Variants in RBMXL3 observed in about 807,000 individuals in gnomAD.
The protein encoded by RBMXL3 is RNA-binding motif protein, X-linked-like-3.
RBMXL3 carries 2 observed loss-of-function variants against 0.8 expected under a neutral mutation model. That is an observed-to-expected ratio of 2.54 (90% CI 1.04 to 8.00). The LOEUF (loss-of-function observed/expected upper bound fraction) is 8.00. Among genes scored for constraint, RBMXL3 ranks in the 30% most tolerant of loss-of-function variants. The pLI, the probability that RBMXL3 is intolerant of heterozygous loss-of-function variation, is 0.04. For missense variants in RBMXL3, 1,127 were observed against 1,068.0 expected, an observed-to-expected ratio of 1.06 and a Z score of -0.77; for synonymous variants, 447 against 449.8, an observed-to-expected ratio of 0.99 and a Z score of 0.08.
At position 115,192,635 on chromosome X, in the gene RBMXL3, G is replaced by A. The variant is rs782660012; in HGVS notation, c.3194G>A (p.Ser1065Asn). The change falls in exon 1 of 1, where the codon AGC becomes AAC. Residue 1065 changes from serine (S) to asparagine (N), a missense_variant. Ser to Asn is a conservative substitution (Grantham distance 46). Coordinates refer to ENST00000424776, the MANE Select transcript of RBMXL3 (RefSeq NM_001145346.2). ...GGRFERGEGR[S>N]RY Reference sequence around the variant, plus strand: ...CGCTTCGAGAGGGGGGAAGGCCGGAGCAGATACTAAGCAGGAACAGACTTG... The same window carrying A: ...CGCTTCGAGAGGGGGGAAGGCCGGAACAGATACTAAGCAGGAACAGACTTG... 7.7e-5 allele frequency: 90 copies of A among 1,168,084 alleles called. No individual in the cohort carries two copies. Among genetic ancestry groups the A allele is most frequent in the Middle Eastern group, 2.4e-4 (1 of 4,127 alleles).
Position 115,191,667 on chromosome X carries a change from A to C in RBMXL3, c.2226A>C (p.Gly742=). The change falls in exon 1 of 1, where the codon GGA becomes GGC. Residue 742 remains glycine, a synonymous_variant. Coordinates refer to ENST00000424776, the MANE Select transcript of RBMXL3 (RefSeq NM_001145346.2). The part of the protein sequence containing the change: ...HDSSSQSDHY[G]GGGRSLDANS... The stretch of plus-strand genomic sequence containing the variant: ...GTTCCAGCCAGAGCGACCACTATGG[A>C]GGAGGAGGTCGCTCACTCGATGCCA... 8.6e-6 allele frequency: 10 copies of C among 1,156,926 alleles called. No individual in the cohort carries two copies. Among genetic ancestry groups the C allele is most frequent in the Non-Finnish European group, 1.0e-5 (9 of 868,646 alleles).
Position 115,189,729 on chromosome X carries a change from G to A in RBMXL3, c.288G>A (p.Pro96=), listed in dbSNP as rs782213153. Residue 96 remains proline, a synonymous_variant, in exon 1 of 1, where the codon CCG becomes CCA. Transcript: ENST00000424776. ...CATTCAAGAGCAGCCGATGGGTCCC[G>A]CCAACCCCCGGCAGCGGCAGTCGCT... ...KPAFKSSRWV[P]PTPGSGSRSR... 64 of 1,165,810 alleles carry A rather than the reference G, an allele frequency of 5.5e-5. No homozygotes were observed. In the Admixed American group the frequency reaches 1.2e-3, roughly 22 times the overall value.
chrX:115,189,945 G>T lies in RBMXL3; in HGVS notation c.504G>T (p.Ser168=), dbSNP rs12848233. The change falls in exon 1 of 1, where the codon TCG becomes TCT. Residue 168 remains serine, a synonymous_variant. Coordinates refer to ENST00000424776, the MANE Select transcript of RBMXL3 (RefSeq NM_001145346.2). ...CACCCCACAAGAGGGCCACGCCGTC[G>T]AGCCTGGCTCACAGCGTTGGCTGTG... ...ASPPHKRATP[S]SLAHSVGCGM... 61,903 of 1,159,016 alleles carry T rather than the reference G, an allele frequency of 0.053. 1,361 individuals carry two copies. Among genetic ancestry groups the T allele is most frequent in the African/African-American group, 0.14 (8,098 of 56,108 alleles).
chrX:115,192,003 C>T lies in RBMXL3; in HGVS notation c.2562C>T (p.Arg854=). The part of the protein sequence containing the change: ...SSSNSYDRSH[R]YGGGGHYEEY... ...GCAACAGTTACGACCGGAGCCACCG[C>T]TATGGAGGAGGAGGCCACTACGAAG... Residue 854 remains arginine, a synonymous_variant, in exon 1 of 1, where the codon CGC becomes CGT. Coordinates refer to ENST00000424776, the MANE Select transcript of RBMXL3 (RefSeq NM_001145346.2). 1 of 1,167,864 alleles carries T rather than the reference C, an allele frequency of 8.6e-7. No homozygotes were observed. The highest frequency in any genetic ancestry group is 1.9e-5 in the South Asian group (1 of 52,769).
Position 115,191,098 on chromosome X carries a change from T to C in RBMXL3, c.1657T>C (p.Tyr553His). Residue 553 changes from tyrosine to histidine, a missense_variant, in exon 1 of 1, where the codon TAT (tyrosine) becomes CAT (histidine). By Grantham distance (83) the Tyr-to-His change is moderately conservative (BLOSUM62 2). Coordinates refer to ENST00000424776, the MANE Select transcript of RBMXL3 (RefSeq NM_001145346.2). ...CCACCGCTATGGAGGAGAAGGCCGC[T>C]ATGAGTACCGAGGCCGCTCGCATGA... ...QSHRYGGEGR[Y>H]EYRGRSHDAH... The C allele has an allele frequency of 8.8e-7, 1 of 1,141,420 alleles. No homozygotes were observed. The highest frequency in any genetic ancestry group is 1.2e-6 in the Non-Finnish European group (1 of 862,356). 94.1% of individuals were successfully genotyped at this position (1,141,420 alleles called of 1,213,427 possible). A position where few individuals can be genotyped will look rare whatever the true frequency, so the allele number is the denominator to read the frequency against.
At position 115,192,633 on chromosome X, in the gene RBMXL3, G is replaced by A. The variant is rs781837446; in HGVS notation, c.3192G>A (p.Arg1064=). The A allele has an allele frequency of 1.8e-5, 21 of 1,168,129 alleles. No homozygotes were observed. The South Asian group carries it at 3.8e-4, about 21-fold the overall frequency. The change falls in exon 1 of 1, where the codon CGG becomes CGA. Residue 1064 remains arginine, a synonymous_variant. Coordinates refer to ENST00000424776, the MANE Select transcript of RBMXL3 (RefSeq NM_001145346.2). ...GCCGCTTCGAGAGGGGGGAAGGCCGGAGCAGATACTAAGCAGGAACAGACT... is the reference window on the plus strand; with the variant it reads ...GCCGCTTCGAGAGGGGGGAAGGCCGAAGCAGATACTAAGCAGGAACAGACT... ...QGGRFERGEG[R]SRY
Position 115,191,080 on chromosome X carries a change from T to C in RBMXL3, c.1639T>C (p.Tyr547His), listed in dbSNP as rs1556558691. The C allele has an allele frequency of 3.5e-6, 4 of 1,157,188 alleles. No homozygotes were observed. Among genetic ancestry groups the C allele is most frequent in the Non-Finnish European group, 3.4e-6 (3 of 870,382 alleles). ...CAACAGTTACGGCCAGAGCCACCGCTATGGAGGAGAAGGCCGCTATGAGTA... is the reference window on the plus strand; with the variant it reads ...CAACAGTTACGGCCAGAGCCACCGCCATGGAGGAGAAGGCCGCTATGAGTA... ...SSNSYGQSHRYGGEGRYEYRG... is the reference protein window; with the variant it reads ...SSNSYGQSHRHGGEGRYEYRG... Residue 547 changes from tyrosine (Y) to histidine (H), a missense_variant, in exon 1 of 1, where the codon TAT becomes CAT. By Grantham distance (83) the Tyr-to-His change is moderately conservative. Transcript: ENST00000424776.
Position 115,192,143 on chromosome X carries a change from A to G in RBMXL3, c.2702A>G (p.Tyr901Cys), listed in dbSNP as rs1257915041. 2.6e-6 allele frequency: 3 copies of G among 1,165,605 alleles called. No homozygotes were observed. The highest frequency in any genetic ancestry group is 1.1e-6 in the Non-Finnish European group (1 of 872,676). ...GGCCGCGACAGTTTCAGCAACAGCT[A>G]TGGCCGGAGTGACCATTACGGAAGA... Reference protein sequence around the residue: ...SRGRDSFSNSYGRSDHYGRGG... With the variant: ...SRGRDSFSNSCGRSDHYGRGG... Residue 901 changes from tyrosine (Y) to cysteine (C), a missense_variant, in exon 1 of 1, where the codon TAT becomes TGT. Tyr to Cys is a radical substitution (Grantham distance 194). Coordinates refer to ENST00000424776, the MANE Select transcript of RBMXL3 (RefSeq NM_001145346.2).
chrX:115,190,837 G>T lies in RBMXL3; in HGVS notation c.1396G>T (p.Gly466Ter), dbSNP rs12857270. 8.6e-7 allele frequency: 1 copy of T among 1,166,017 alleles called. No individual in the cohort carries two copies. Among genetic ancestry groups the T allele is most frequent in the African/African-American group, 1.8e-5 (1 of 55,776 alleles). Residue 466 changes from glycine (G) to a stop codon, truncating the protein, a stop_gained, in exon 1 of 1, where the codon GGA (glycine) becomes TGA (stop). Transcript: ENST00000424776. LOFTEE classifies it low-confidence loss of function (END_TRUNC). ...CAGTTCCAGCTGGAGCGACTGCTGC[G>T]GAGGAGGAGGCCGTTATGAGGAGTA... ...HDSSSWSDCC[G>*]GGGRYEEYQG...
rs186018503 is a variant in RBMXL3 at position 115,190,704 on chromosome X, C to G, written c.1263C>G (p.Gly421=). The G allele has an allele frequency of 3.1e-4, 365 of 1,160,256 alleles. 1 individual carries two copies. In the East Asian group the frequency reaches 9.4e-3, roughly 30 times the overall value. The change falls in exon 1 of 1, where the codon GGC becomes GGG. Residue 421 remains glycine (G), a synonymous_variant. Transcript: ENST00000424776. ...AGAGCCACCACTATGGAGGAGAAGG[C>G]CGCTATGAGGAGTACCGAGGCCGCT... ...YGQSHHYGGE[G]RYEEYRGRSH... is the part of the protein sequence containing the mutation.
Position 115,192,690 on chromosome X carries a change from A to G in RBMXL3, c.*45A>G. On this transcript the variant is annotated 3_prime_UTR_variant, in exon 1 of 1. Coordinates refer to ENST00000424776, the MANE Select transcript of RBMXL3 (RefSeq NM_001145346.2). ...CAAAAATTCCTTTTCAAAGAAACAA[A>G]AAGAAGAACCTGTTCTATGTTAACT... The G allele has an allele frequency of 2.7e-6, 3 of 1,126,162 alleles. No homozygotes were observed. The highest frequency in any genetic ancestry group is 2.6e-5 in the Admixed American group (1 of 38,759). The allele number at this position is 1,126,162 out of a possible 1,213,427, so 92.8% of individuals were successfully genotyped here.
Position 115,192,646 on chromosome X carries a change from G to T in RBMXL3, c.*1G>T, listed in dbSNP as rs896220757. 9.4e-6 allele frequency: 11 copies of T among 1,166,696 alleles called. No homozygotes were observed. Among genetic ancestry groups the T allele is most frequent in the Non-Finnish European group, 1.3e-5 (11 of 872,882 alleles). On this transcript the variant is annotated 3_prime_UTR_variant, in exon 1 of 1. Transcript: ENST00000424776. ...GGGGGAAGGCCGGAGCAGATACTAA[G>T]CAGGAACAGACTTGGGCCCAAAAAT...
chrX:115,189,458 G>T lies in RBMXL3; in HGVS notation c.17G>T (p.Arg6Leu). The T allele has an allele frequency of 8.5e-7, 1 of 1,173,594 alleles. No individual in the cohort carries two copies. Among genetic ancestry groups the T allele is most frequent in the Non-Finnish European group, 1.1e-6 (1 of 875,601 alleles). ...CAGGGAGACATGATGGAAGCGGATCGCCCAGAGAAGCTTTTCATTGGGGGC... is the reference window on the plus strand; with the variant it reads ...CAGGGAGACATGATGGAAGCGGATCTCCCAGAGAAGCTTTTCATTGGGGGC... MMEADRPEKLFIGGLN... is the reference protein window; with the variant it reads MMEADLPEKLFIGGLN... Residue 6 changes from arginine (R) to leucine (L), a missense_variant, in exon 1 of 1, where the codon CGC (arginine) becomes CTC (leucine). By Grantham distance (102) the Arg-to-Leu change is moderately radical. Coordinates refer to ENST00000424776, the MANE Select transcript of RBMXL3 (RefSeq NM_001145346.2).
At position 115,191,685 on chromosome X, in the gene RBMXL3, C is replaced by G. The variant is rs943775900; in HGVS notation, c.2244C>G (p.Leu748=). 3 of 1,159,336 alleles carry G rather than the reference C, an allele frequency of 2.6e-6. No homozygotes were observed. Among genetic ancestry groups the G allele is most frequent in the Non-Finnish European group, 3.4e-6 (3 of 871,010 alleles). ...SDHYGGGGRS[L]DANSSGRLPD... ...ACTATGGAGGAGGAGGTCGCTCACTCGATGCCAACAGCAGTGGCCGCTTGC... is the reference window on the plus strand; with the variant it reads ...ACTATGGAGGAGGAGGTCGCTCACTGGATGCCAACAGCAGTGGCCGCTTGC... The change falls in exon 1 of 1, where the codon CTC becomes CTG. Residue 748 remains leucine (L), a synonymous_variant. Coordinates refer to ENST00000424776, the MANE Select transcript of RBMXL3 (RefSeq NM_001145346.2).
chrX:115,192,534 G>T lies in RBMXL3; in HGVS notation c.3093G>T (p.Thr1031=), dbSNP rs782010698. The T allele has an allele frequency of 8.6e-7, 1 of 1,167,998 alleles. No individual in the cohort carries two copies. The highest frequency in any genetic ancestry group is 2.6e-5 in the Admixed American group (1 of 38,814). ...GTGGGCTCCCTCTGCCCATGGAAACGGGCAGCCCTCCCCTGCATGATTCTT... is the reference window on the plus strand; with the variant it reads ...GTGGGCTCCCTCTGCCCATGGAAACTGGCAGCCCTCCCCTGCATGATTCTT... ...PDRGLPLPME[T]GSPPLHDSYS... The change falls in exon 1 of 1, where the codon ACG becomes ACT. Residue 1031 remains threonine, a synonymous_variant. Transcript: ENST00000424776.
chrX:115,190,785 C>T lies in RBMXL3; in HGVS notation c.1344C>T (p.Ser448=), dbSNP rs782631531. 2,827 of 1,163,779 alleles carry T rather than the reference C, an allele frequency of 2.4e-3. 3 individuals are homozygous for T. The highest frequency in any genetic ancestry group is 3.0e-3 in the Non-Finnish European group (2,622 of 872,090). ...RSTDAHSRGR[S]DDAYSGGHDS... ...CTGATGCCCACAGCAGGGGCCGGTC[C>T]GACGACGCCTACAGTGGGGGCCATG... is the stretch of plus-strand genomic sequence containing the variant. Residue 448 remains serine, a synonymous_variant, in exon 1 of 1, where the codon TCC becomes TCT. Transcript: ENST00000424776.
In RBMXL3 at chrX:115,189,582, G is replaced by T; in HGVS notation, c.141G>T (p.Lys47Asn). The T allele has an allele frequency of 8.5e-7, 1 of 1,172,059 alleles. No individual in the cohort carries two copies. The part of the protein sequence containing the change: ...VFLMKDRKTN[K>N]SRGFAFVTFE... Reference sequence around the variant, plus strand: ...TGATGAAAGACCGAAAAACCAACAAGTCGAGGGGCTTCGCGTTCGTCACCT... The same window carrying T: ...TGATGAAAGACCGAAAAACCAACAATTCGAGGGGCTTCGCGTTCGTCACCT... The change falls in exon 1 of 1, where the codon AAG (lysine) becomes AAT (asparagine). Residue 47 changes from lysine (K) to asparagine (N), a missense_variant. Transcript: ENST00000424776.
In RBMXL3 at chrX:115,192,183, G is replaced by A; in HGVS notation, c.2742G>A (p.Glu914=). 1.7e-6 allele frequency: 2 copies of A among 1,164,977 alleles called. No homozygotes were observed. Among genetic ancestry groups the A allele is most frequent in the Admixed American group, 2.6e-5 (1 of 38,510 alleles). ...SDHYGRGGCY[E]EYQGRSPNAY... is the part of the protein sequence containing the mutation. ...ATTACGGAAGAGGAGGCTGCTACGA[G>A]GAATACCAAGGCCGCTCGCCCAATG... The change falls in exon 1 of 1, where the codon GAG becomes GAA. Residue 914 remains glutamate (E), a synonymous_variant. Coordinates refer to ENST00000424776, the MANE Select transcript of RBMXL3 (RefSeq NM_001145346.2).
chrX:115,191,023 G>A lies in RBMXL3; in HGVS notation c.1582G>A (p.Asp528Asn), dbSNP rs913173566. ...TGCCAACAGCGGAGGCCGTTCACCC[G>A]ACACCCACAGTGGGGGCCACAGCAG... Reference protein sequence around the residue: ...LDANSGGRSPDTHSGGHSSSS... With the variant: ...LDANSGGRSPNTHSGGHSSSS... Residue 528 changes from aspartate to asparagine, a missense_variant, in exon 1 of 1, where the codon GAC (aspartate) becomes AAC (asparagine). By Grantham distance (23) the Asp-to-Asn change is conservative. Coordinates refer to ENST00000424776, the MANE Select transcript of RBMXL3 (RefSeq NM_001145346.2). The A allele has an allele frequency of 1.4e-5, 16 of 1,159,452 alleles. No homozygotes were observed. The Admixed American group carries it at 1.6e-4, about 12-fold the overall frequency.
Sources: gnomAD v4.1 joint callset for allele counts on GRCh38, gnomAD v4.1.1 for gene constraint, MANE v1.5 for transcripts, NCBI Gene and HGNC (gene_info 2026-07-23, HGNC 2026-07-21) for gene names.